Variants in PCDH15 observed in about 807,000 individuals in gnomAD.
PCDH15 encodes protocadherin related 15, also known as protocadherin-15.
PCDH15 carries 129 observed loss-of-function variants against 178.5 expected under a neutral mutation model. The observed-to-expected ratio is 0.72, with a 90% CI of 0.63 to 0.84. The LOEUF (loss-of-function observed/expected upper bound fraction) is 0.84. Among genes scored for constraint, PCDH15 ranks in the 40% least tolerant of loss-of-function variants. PCDH15 has a pLI of 0.00. For missense variants in PCDH15, 2,230 were observed against 2,099.9 expected, an observed-to-expected ratio of 1.06 and a Z score of -1.21; for synonymous variants, 800 against 732.0, an observed-to-expected ratio of 1.09 and a Z score of -1.50.
At chr10:55,405,543 G>T (rs1316354424) in intron 2 of PCDH15, among the ~76,000 whole-genome samples, 2 of 151,444 alleles carry the variant, frequency 1.3e-5, no homozygotes, top group African/African-American at 2.4e-5. Flanking sequence ...TTAACATATA[G>T]TGAGTATCTT....
At chr10:54,360,756 C>A (rs140681103) in intron 5 of PCDH15, among the ~76,000 whole-genome samples, 1 of 152,102 alleles carries the variant, frequency 6.6e-6, no homozygotes, top group East Asian at 1.9e-4. Context: ...TAAGTAAGGT[C>A]TTTTACAGTG....
At chr10:55,500,063 T>C (rs1840621285) in intron 2 of PCDH15, among the ~76,000 whole-genome samples, 1 of 151,762 alleles carries the variant, frequency 6.6e-6, no homozygotes, top group African/African-American at 2.4e-5. Flanking sequence ...TATGAAATTA[T>C]GAATTTTATA....
In PCDH15 at chr10:55,425,576, C is replaced by T. The variant is rs186290596; in HGVS notation, c.-156+202049G>A. 2.6e-5 allele frequency among the ~76,000 whole-genome samples: 4 copies of T among 151,896 alleles called. No individual in the cohort carries two copies. The East Asian group carries it at 7.7e-4, about 29-fold the overall frequency. On this transcript the variant is annotated intron_variant, in intron 2 of 5. Coordinates refer to the PCDH15 transcript ENST00000613346. Reference sequence around the variant, plus strand: ...CAAGTGTATTTCTTTCATTTTATTGCTAATCTAATGTAAAATATCTTTATC... The same window carrying T: ...CAAGTGTATTTCTTTCATTTTATTGTTAATCTAATGTAAAATATCTTTATC...
chr10:54,757,189 T>A (rs1947250918), intron 1 of PCDH15, among the ~76,000 whole-genome samples: 1 of 152,130 alleles, frequency 6.6e-6, no homozygotes, highest in East Asian at 1.9e-4. Context: ...ACTGTCCTTA[T>A]TAGAAACATA....
chr10:55,490,813 G>A (rs1315890657), intron 2 of PCDH15, among the ~76,000 whole-genome samples: 8 of 151,626 alleles, frequency 5.3e-5, no homozygotes. Context: ...GCTTAAGGAA[G>A]ATAAACACAA....
chr10:55,222,328 T>C (rs972927198), intron 1 of PCDH15, among the ~76,000 whole-genome samples: 7 of 151,990 alleles, frequency 4.6e-5, no homozygotes, highest in Non-Finnish European at 7.4e-5. Flanking sequence ...ATAGTAGTTA[T>C]ATGGGTGTAT....
At chr10:55,585,306 T>C (rs1039144662) in intron 2 of PCDH15, among the ~76,000 whole-genome samples, 1 of 152,162 alleles carries the variant, frequency 6.6e-6, no homozygotes, top group Non-Finnish European at 1.5e-5. Context: ...CAGCTATATC[T>C]TCTTTTAAAG....
chr10:55,494,920 T>C (rs1014352704), intron 2 of PCDH15, among the ~76,000 whole-genome samples: 3 of 151,846 alleles, frequency 2.0e-5, no homozygotes, highest in African/African-American at 4.8e-5. Context: ...GTCATGAGTA[T>C]AGACACACAG....
At chr10:55,495,430 T>C (rs1840510408) in intron 2 of PCDH15, among the ~76,000 whole-genome samples, 1 of 151,466 alleles carries the variant, frequency 6.6e-6, no homozygotes, top group South Asian at 2.1e-4. Context: ...AGACATATAA[T>C]CCAATTAAAA....
chr10:55,130,741 A>G (rs558471584), intron 2 of PCDH15, among the ~76,000 whole-genome samples: 1 of 151,422 alleles, frequency 6.6e-6, no homozygotes, highest in African/African-American at 2.4e-5. Flanking sequence ...ACATTAAGCC[A>G]TAACTAGGCA....
At chr10:55,602,696 A>C (rs1458914314) in intron 2 of PCDH15, among the ~76,000 whole-genome samples, 1 of 152,154 alleles carries the variant, frequency 6.6e-6, no homozygotes, top group Non-Finnish European at 1.5e-5. Context: ...TAGAAGGAAA[A>C]CTAACAAACA....
intron 2 of PCDH15, among the ~76,000 whole-genome samples, chr10:54,625,451 A>T (rs2093516668): frequency 6.6e-6 from 1 of 152,000 alleles, no homozygotes; most frequent in Admixed American, 6.6e-5. Flanking sequence ...TGTGGGAGGG[A>T]CCCAGTGGGA....
chr10:54,517,139 G>T (rs934362127), intron 3 of PCDH15, among the ~76,000 whole-genome samples: 1 of 152,174 alleles, frequency 6.6e-6, no homozygotes, highest in African/African-American at 2.4e-5. Context: ...AGGCTAGGAA[G>T]AAACTGCATG....
intron 2 of PCDH15, among the ~76,000 whole-genome samples, chr10:55,520,620 A>C (rs907075389): frequency 2.6e-5 from 4 of 150,984 alleles, no homozygotes; most frequent in Non-Finnish European, 5.9e-5. Flanking sequence ...TTTCCAATCC[A>C]CTAAAAGAAT....
rs111033496 is a variant in PCDH15 at position 53,857,186 on chromosome 10, T to A, written c.3795A>T (p.Glu1265Asp). 4,190 of 1,597,542 alleles carry A rather than the reference T, an allele frequency of 2.6e-3. 114 individuals are homozygous for A. In the African/African-American group the frequency reaches 0.05, roughly 19 times the overall value. ...ACAAAATCAATTACTCTGTAAGATC[T>A]TCTATCTTTTTTTCCACTAGAGTAG... ...VPPTLVEKKI[E>D]DLTEILDRYV... The change falls in exon 28 of 38, where the codon GAA becomes GAT. Residue 1265 changes from glutamate to aspartate, a missense_variant. Coordinates refer to ENST00000644397, the MANE Select transcript of PCDH15 (RefSeq NM_001384140.1).
intron 2 of PCDH15, among the ~76,000 whole-genome samples, chr10:55,164,093 G>T (rs549018927): frequency 2.0e-5 from 3 of 152,244 alleles, no homozygotes; most frequent in African/African-American, 7.2e-5. Flanking sequence ...GAGGCCACAC[G>T]ATGCAGTAGA....
At chr10:54,151,977 A>G (rs1181042633) in intron 14 of PCDH15, among the ~76,000 whole-genome samples, 1 of 152,204 alleles carries the variant, frequency 6.6e-6, no homozygotes, top group East Asian at 1.9e-4. Context: ...ATAGAATTGA[A>G]TAGAACATTT....
chr10:54,289,009 G>A (rs2059216639), intron 8 of PCDH15, among the ~76,000 whole-genome samples: 4 of 152,364 alleles, frequency 2.6e-5, no homozygotes, highest in South Asian at 2.1e-4. Flanking sequence ...GAAGAGAGCA[G>A]TTGTTCTCCC....
chr10:54,804,648 A>G (rs1233920473), upstream of PCDH15, among the ~76,000 whole-genome samples: 2 of 151,718 alleles, frequency 1.3e-5, no homozygotes, highest in Non-Finnish European at 2.9e-5. Context: ...CTAAATCTTC[A>G]TCTAATTGTA....
Sources: gnomAD v4.1 joint callset for allele counts (sites outside exome capture counted in the v4.1 genomes callset) on GRCh38, gnomAD v4.1.1 for gene constraint, MANE v1.5 for transcripts, NCBI Gene and HGNC (gene_info 2026-07-23, HGNC 2026-07-21) for gene names.